Variants in LSAMP observed in about 807,000 individuals in gnomAD.
LSAMP encodes limbic system-associated membrane protein.
A neutral mutation model predicts 38.6 loss-of-function variants in LSAMP; 7 were observed. The observed-to-expected ratio is 0.18, with a 90% CI of 0.10 to 0.34. The LOEUF (loss-of-function observed/expected upper bound fraction) is 0.34. LSAMP is among the 10% of genes least tolerant of loss of function. The pLI, the probability that LSAMP is intolerant of heterozygous loss-of-function variation, is 1.00. For missense variants in LSAMP, 313 were observed against 420.0 expected (o/e 0.75, Z 2.23); for synonymous variants, 154 against 166.8 (o/e 0.92, Z 0.59).
chr3:115,915,657 A>G lies in LSAMP; in HGVS notation c.515-63040T>C, dbSNP rs369286080. On this transcript the variant is annotated intron_variant, in intron 3 of 6. Coordinates refer to ENST00000490035, the MANE Select transcript of LSAMP (RefSeq NM_002338.5). ...AGGAATATCCTTTTTTTTTTTTGAC[A>G]GAGTCTCGCTCTGTTGCCAGGCTGG... 1.6e-3 allele frequency among the ~76,000 whole-genome samples: 242 copies of G among 151,312 alleles called. 2 individuals carry two copies. The highest frequency in any genetic ancestry group is 5.5e-3 in the African/African-American group (227 of 41,212).
At chr3:116,277,972 C>T (rs1409027050) in intron 1 of LSAMP, among the ~76,000 whole-genome samples, 1 of 152,156 alleles carries the variant, frequency 6.6e-6, no homozygotes, top group Non-Finnish European at 1.5e-5. Flanking sequence ...TACTGTAACA[C>T]TATTTAACAT....
intron 1 of LSAMP, among the ~76,000 whole-genome samples, chr3:116,264,879 A>G (rs7653653): frequency 0.012 from 1,661 of 141,798 alleles, 25 homozygotes; most frequent in African/African-American, 0.043. Context: ...GTGCTGGGGG[A>G]AAAAAAAAAG....
chr3:116,406,865 A>C (rs1291890246), intron 1 of LSAMP, among the ~76,000 whole-genome samples: 1 of 152,014 alleles, frequency 6.6e-6, no homozygotes, highest in Admixed American at 6.6e-5. Context: ...AGTATAAAGA[A>C]AAGGAAGAGG....
At chr3:116,023,062 G>T (rs113472889) in intron 2 of LSAMP, among the ~76,000 whole-genome samples, 3,756 of 151,668 alleles carry the variant, frequency 0.025, 164 homozygotes, top group African/African-American at 0.086. Flanking sequence ...CATGTTCTGT[G>T]GTTTATGTCA....
At chr3:116,068,345 T>C (rs766120989) in intron 2 of LSAMP, among the ~76,000 whole-genome samples, 1 of 152,354 alleles carries the variant, frequency 6.6e-6, no homozygotes, top group African/African-American at 2.4e-5. Flanking sequence ...AGAAAAGTTA[T>C]ATCCATTCCT....
chr3:116,054,108 CTTGCCTTCTCCAGT>C (rs1941445084), intron 2 of LSAMP, among the ~76,000 whole-genome samples: 1 of 152,148 alleles, frequency 6.6e-6, no homozygotes, highest in African/African-American at 2.4e-5. Flanking sequence ...GAATCAATTC[CTTGCCTTCTCCAGT>C]TTAAAGGCTC....
chr3:115,812,298 TAGGATC>T (rs1933862929), intron 6 of LSAMP, among the ~76,000 whole-genome samples: 1 of 152,212 alleles, frequency 6.6e-6, no homozygotes, highest in Non-Finnish European at 1.5e-5. Flanking sequence ...TGAATTGTTA[TAGGATC>T]ATATTAACAA....
At chr3:116,020,773 G>A (rs529681920) in intron 2 of LSAMP, among the ~76,000 whole-genome samples, 8 of 152,178 alleles carry the variant, frequency 5.3e-5, no homozygotes, top group Non-Finnish European at 8.8e-5. Flanking sequence ...AGGGTTTATA[G>A]TTTGACTGTG....
intron 3 of LSAMP, among the ~76,000 whole-genome samples, chr3:115,888,128 T>C (rs1212076783): frequency 6.6e-6 from 1 of 151,946 alleles, no homozygotes. Flanking sequence ...CTTGTGTGGG[T>C]ATGTGTGTAT....
intron 3 of LSAMP, among the ~76,000 whole-genome samples, chr3:115,900,060 A>G (rs77952956): frequency 0.015 from 2,327 of 152,210 alleles, 57 homozygotes; most frequent in African/African-American, 0.054. Flanking sequence ...ACACTTAACT[A>G]TTTGCTTTTA....
At chr3:115,913,938 C>A (rs967637537) in intron 3 of LSAMP, among the ~76,000 whole-genome samples, 1 of 151,150 alleles carries the variant, frequency 6.6e-6, no homozygotes, top group Non-Finnish European at 1.5e-5. Context: ...AAAGAGAGTT[C>A]CAGGGAACTG....
chr3:116,039,931 A>T (rs1941130597), intron 2 of LSAMP, among the ~76,000 whole-genome samples: 1 of 152,112 alleles, frequency 6.6e-6, no homozygotes, highest in African/African-American at 2.4e-5. Flanking sequence ...ACATCGCTAA[A>T]GCCCTGTCTC....
chr3:116,317,680 A>C (rs898239894), intron 1 of LSAMP, among the ~76,000 whole-genome samples: 3 of 151,810 alleles, frequency 2.0e-5, no homozygotes, highest in East Asian at 3.9e-4. Context: ...TCTCATCTGC[A>C]TGATGTTAAG....
intron 1 of LSAMP, among the ~76,000 whole-genome samples, chr3:116,317,947 C>A (rs909846376): frequency 6.6e-6 from 1 of 151,332 alleles, no homozygotes; most frequent in African/African-American, 2.4e-5. Flanking sequence ...ACCAGCCTGG[C>A]CAACATGGTG....
chr3:116,234,624 A>T (rs971393182), intron 1 of LSAMP, among the ~76,000 whole-genome samples: 1 of 152,154 alleles, frequency 6.6e-6, no homozygotes, highest in Non-Finnish European at 1.5e-5. Context: ...AGAAAACTTA[A>T]AAAAAATTAA....
chr3:115,937,431 A>G (rs902879305), intron 3 of LSAMP, among the ~76,000 whole-genome samples: 1 of 152,100 alleles, frequency 6.6e-6, no homozygotes, highest in African/African-American at 2.4e-5. Flanking sequence ...GCTTGAGCCC[A>G]GGAGTTCAAG....
chr3:115,943,619 T>C (rs1938002157), intron 3 of LSAMP, among the ~76,000 whole-genome samples: 1 of 152,184 alleles, frequency 6.6e-6, no homozygotes. Flanking sequence ...AGGAGGCATC[T>C]CCATGTCCTG....
chr3:116,374,624 G>C (rs776130227), intron 1 of LSAMP, among the ~76,000 whole-genome samples: 2 of 151,858 alleles, frequency 1.3e-5, no homozygotes, highest in Non-Finnish European at 2.9e-5. Flanking sequence ...GAATTGTACA[G>C]AATTTCAATT....
chr3:116,185,030 C>CTTTTTTTTTTTTTTTTTTTTTTTTTT (rs368314567), intron 1 of LSAMP, among the ~76,000 whole-genome samples: 1 of 117,764 alleles, frequency 8.5e-6, no homozygotes. Flanking sequence ...TTCTTTCTTT[C>CTTTTTTTTTTTTTTTTTTTTTTTTTT]TTTTTTTTTT....
Sources: allele counts gnomAD v4.1 joint callset (sites outside exome capture counted in the v4.1 genomes callset), GRCh38; gene constraint gnomAD v4.1.1; transcripts MANE v1.5; gene names NCBI Gene and HGNC (gene_info 2026-07-23, HGNC 2026-07-21).